TENM2: variants seen among roughly 807,000 people sequenced by gnomAD.
TENM2 encodes the protein teneurin transmembrane protein 2, also known as teneurin-2.
In TENM2, 52 loss-of-function variants were observed where a neutral mutation model predicts 245.2. The ratio of observed to expected loss-of-function variants is 0.21; its 90% CI spans 0.17 to 0.27. The LOEUF is 0.27. Among genes scored for constraint, TENM2 ranks in the 10% least tolerant of loss-of-function variants. The pLI, the probability that TENM2 is intolerant of heterozygous loss-of-function variation, is 1.00. For synonymous variants in TENM2, 1,363 were observed against 1,438.9 expected (o/e 0.95, Z 1.19); for missense variants, 3,046 against 3,666.8 (o/e 0.83, Z 4.37).
At chr5:167,669,005 A>T (rs552964541) in intron 2 of TENM2, among the ~76,000 whole-genome samples, 3 of 152,218 alleles carry the variant, frequency 2.0e-5, no homozygotes, top group Non-Finnish European at 4.4e-5. Context: ...GAATAAATTA[A>T]CTGCAGAAGG....
chr5:167,897,005 G>A (rs574099243), intron 3 of TENM2, among the ~76,000 whole-genome samples: 7 of 152,286 alleles, frequency 4.6e-5, no homozygotes, highest in East Asian at 1.9e-4. Context: ...ATAACCACCC[G>A]AAATGAGCTT....
At chr5:167,777,548 C>T (rs1441362480) in intron 2 of TENM2, among the ~76,000 whole-genome samples, 3 of 152,278 alleles carry the variant, frequency 2.0e-5, no homozygotes, top group Non-Finnish European at 4.4e-5. Flanking sequence ...AATCTCAGCC[C>T]TGGCACGTTT....
intron 2 of TENM2, among the ~76,000 whole-genome samples, chr5:167,862,194 GC>G (rs1282416896): frequency 2.0e-5 from 3 of 152,254 alleles, no homozygotes; most frequent in South Asian, 2.1e-4. Flanking sequence ...GGCCAACAGT[GC>G]CCTGTGGATG....
chr5:167,095,805 T>C, the TENM2 span, among the ~76,000 whole-genome samples: 1 of 151,032 alleles, frequency 6.6e-6, no homozygotes, highest in African/African-American at 2.4e-5. Context: ...AGTTTCGCTC[T>C]TGTTGTCCAG....
At chr5:168,174,852 G>A (rs946874962) in intron 13 of TENM2, among the ~76,000 whole-genome samples, 1 of 152,138 alleles carries the variant, frequency 6.6e-6, no homozygotes, top group African/African-American at 2.4e-5. Flanking sequence ...CCAACTTCCC[G>A]GGATCCATCC....
chr5:168,048,683 C>T (rs986343712), intron 6 of TENM2, among the ~76,000 whole-genome samples: 1 of 152,184 alleles, frequency 6.6e-6, no homozygotes, highest in East Asian at 1.9e-4. Context: ...TTCCAGAATT[C>T]ATCTGCCCCC....
intron 1 of TENM2, among the ~76,000 whole-genome samples, chr5:167,300,295 C>T (rs377639925): frequency 2.0e-5 from 3 of 152,220 alleles, no homozygotes; most frequent in Non-Finnish European, 2.9e-5. Context: ...TGAAGCCTTG[C>T]GGCAGTACAG....
At chr5:167,171,713 G>A in the TENM2 span, among the ~76,000 whole-genome samples, 1 of 152,174 alleles carries the variant, frequency 6.6e-6, no homozygotes, top group African/African-American at 2.4e-5. Context: ...GAAGACCCAA[G>A]GGAGACAGAG....
chr5:167,412,522 G>C (rs1762960731), intron 2 of TENM2, among the ~76,000 whole-genome samples: 1 of 152,080 alleles, frequency 6.6e-6, no homozygotes, highest in Admixed American at 6.6e-5. Flanking sequence ...ACCTAGGTTT[G>C]TGTGCAACTT....
At chr5:167,019,533 C>T in the TENM2 span, among the ~76,000 whole-genome samples, 40 of 151,986 alleles carry the variant, frequency 2.6e-4, no homozygotes, top group Non-Finnish European at 2.9e-5. Context: ...TGCAGTGGCG[C>T]GATCTCTGCT....
chr5:168,231,099 A>G (rs572014276), intron 25 of TENM2: 5 of 152,404 alleles, frequency 3.3e-5, no homozygotes, highest in African/African-American at 1.2e-4. Context: ...CGAGAGCTTA[A>G]TAAGCAGGCC....
chr5:167,107,715 A>C, the TENM2 span, among the ~76,000 whole-genome samples: 5 of 152,338 alleles, frequency 3.3e-5, no homozygotes, highest in Admixed American at 2.6e-4. Flanking sequence ...GGAGGAATAG[A>C]TATTATCACT....
chr5:167,220,158 A>G, the TENM2 span, among the ~76,000 whole-genome samples: 3 of 152,140 alleles, frequency 2.0e-5, no homozygotes, highest in Non-Finnish European at 4.4e-5. Flanking sequence ...TGTTTCCCCA[A>G]AAGTCAGTGC....
intron 2 of TENM2, among the ~76,000 whole-genome samples, chr5:167,503,597 TA>T (rs1392083599): frequency 6.6e-6 from 1 of 151,914 alleles, no homozygotes; most frequent in Non-Finnish European, 1.5e-5. Flanking sequence ...ATCTCACTGT[TA>T]AAAAACAGAT....
At chr5:167,149,025 CT>C in the TENM2 span, among the ~76,000 whole-genome samples, 1 of 151,660 alleles carries the variant, frequency 6.6e-6, no homozygotes. Flanking sequence ...TGAATATTTT[CT>C]TTTTTTTATA....
chr5:167,475,818 G>A (rs1158651033), intron 2 of TENM2, among the ~76,000 whole-genome samples: 1 of 152,096 alleles, frequency 6.6e-6, no homozygotes, highest in Non-Finnish European at 1.5e-5. Context: ...TCCCTGCAAA[G>A]GACATGAACT....
intron 2 of TENM2, among the ~76,000 whole-genome samples, chr5:167,446,126 C>T (rs1765191962): frequency 6.6e-6 from 1 of 152,026 alleles, no homozygotes; most frequent in Non-Finnish European, 1.5e-5. Flanking sequence ...TAAATAAAGA[C>T]TGATATTTAA....
chr5:167,684,008 A>C (rs1756912192), intron 2 of TENM2, among the ~76,000 whole-genome samples: 1 of 152,236 alleles, frequency 6.6e-6, no homozygotes, highest in South Asian at 2.1e-4. Flanking sequence ...TGGATGTGGC[A>C]GTGGGGAAAC....
chr5:168,166,130 G>A (rs538139067), intron 13 of TENM2, among the ~76,000 whole-genome samples: 31 of 152,170 alleles, frequency 2.0e-4, no homozygotes, highest in Admixed American at 1.4e-3. Context: ...TTCTGCCCTC[G>A]TCTCTGTCCT....
Sources: allele counts gnomAD v4.1 joint callset (sites outside exome capture counted in the v4.1 genomes callset), GRCh38; gene constraint gnomAD v4.1.1; transcripts MANE v1.5; gene names NCBI Gene and HGNC (gene_info 2026-07-23, HGNC 2026-07-21).